The following TMPRSS11D variants were observed in gnomAD, a reference collection of about 807,000 sequenced individuals.
The protein encoded by TMPRSS11D is transmembrane protease serine 11D.
TMPRSS11D carries 32 observed loss-of-function variants against 44.4 expected under a neutral mutation model. That is an observed-to-expected ratio of 0.72 (90% confidence interval 0.54 to 0.97). The LOEUF (loss-of-function observed/expected upper bound fraction) is 0.97. Among genes scored for constraint, TMPRSS11D ranks in the 50% least tolerant of loss-of-function variants. The pLI is 0.00. For missense variants in TMPRSS11D, 446 were observed against 502.6 expected (o/e 0.89, Z 1.08); for synonymous variants, 179 against 177.9 (o/e 1.01, Z -0.05).
At chr4:67,878,477 G>C (rs760890581) in intron 1 of TMPRSS11D, among the ~76,000 whole-genome samples, 1 of 152,140 alleles carries the variant, frequency 6.6e-6, no homozygotes, top group Non-Finnish European at 1.5e-5. Context: ...TAATTAGATA[G>C]GTATTTGTCT....
intron 5 of TMPRSS11D, among the ~76,000 whole-genome samples, chr4:67,836,320 C>T (rs1560539104): frequency 6.6e-6 from 1 of 152,116 alleles, no homozygotes; most frequent in Non-Finnish European, 1.5e-5. Context: ...GTTATGTTAG[C>T]TCATATCCTT....
chr4:67,829,968 G>C (rs1560537230), intron 7 of TMPRSS11D, among the ~76,000 whole-genome samples: 1 of 152,110 alleles, frequency 6.6e-6, no homozygotes, highest in East Asian at 1.9e-4. Flanking sequence ...GTGTGCTTCT[G>C]AAATTCCTGA....
intron 7 of TMPRSS11D, among the ~76,000 whole-genome samples, chr4:67,829,849 C>G (rs1270073610): frequency 6.6e-6 from 1 of 151,886 alleles, no homozygotes; most frequent in African/African-American, 2.4e-5. Flanking sequence ...AAAACTTAAA[C>G]AAAAGAATAA....
At chr4:67,876,660 C>T (rs1719197741) in intron 1 of TMPRSS11D, among the ~76,000 whole-genome samples, 1 of 152,164 alleles carries the variant, frequency 6.6e-6, no homozygotes, top group African/African-American at 2.4e-5. Flanking sequence ...GAGGGGCCAG[C>T]ATTTAGACCT....
rs1717671886 is a variant in TMPRSS11D, at chr4:67,822,495, C to T, written c.1099G>A (p.Asp367Asn). ...TCTTGTACTAGTGGGCCACCAGAGT[C>T]ACCCTGTAAAAAAACAGAATGACTG... ...PQGGVDACQG[D>N]SGGPLVQEDS... Residue 367 changes from aspartate (D) to asparagine (N), a missense_variant, in exon 10 of 10, where the codon GAC (aspartate) becomes AAC (asparagine). Coordinates refer to ENST00000283916, the MANE Select transcript of TMPRSS11D (RefSeq NM_004262.3). The T allele has an allele frequency of 6.2e-7, 1 of 1,613,660 alleles. No individual in the cohort carries two copies. The highest frequency in any genetic ancestry group is 2.2e-5 in the East Asian group (1 of 44,880).
intron 2 of TMPRSS11D, 82 bp from the exon 3 acceptor site, chr4:67,854,268 A>G (rs1718581046): frequency 1.5e-6 from 1 of 683,126 alleles, no homozygotes. Flanking sequence ...ATGGGAGGTT[A>G]TATTATAGAA....
intron 3 of TMPRSS11D, among the ~76,000 whole-genome samples, chr4:67,844,932 T>G (rs996269547): frequency 6.6e-6 from 1 of 152,196 alleles, no homozygotes; most frequent in African/African-American, 2.4e-5. Context: ...AAAGGAGATA[T>G]TTTAATAAAA....
intron 3 of TMPRSS11D, among the ~76,000 whole-genome samples, chr4:67,850,751 G>A (rs1718485875): frequency 6.6e-6 from 1 of 152,208 alleles, no homozygotes; most frequent in South Asian, 2.1e-4. Flanking sequence ...ACTTGCGTGT[G>A]TGCCTTCATT....
chr4:67,824,576 C>T (rs1341968080), intron 9 of TMPRSS11D, among the ~76,000 whole-genome samples: 2 of 152,012 alleles, frequency 1.3e-5, no homozygotes, highest in Non-Finnish European at 2.9e-5. Flanking sequence ...TTAACAGTAT[C>T]TTGACAATTG....
At position 67,822,288 on chromosome 4, in the gene TMPRSS11D, G is replaced by T; in HGVS notation, c.*49C>A. The T allele has an allele frequency of 6.4e-7, 1 of 1,570,826 alleles. No homozygotes were observed. ...TGAAATGTAAAGCTTTGGAATTTAAGACAGGCACACCTGCATACAGACTTT... is the reference window on the plus strand; with the variant it reads ...TGAAATGTAAAGCTTTGGAATTTAATACAGGCACACCTGCATACAGACTTT... On this transcript the variant is annotated 3_prime_UTR_variant, in exon 10 of 10. Coordinates refer to ENST00000283916, the MANE Select transcript of TMPRSS11D (RefSeq NM_004262.3).
At chr4:67,836,932 C>G (rs1381353580) in intron 5 of TMPRSS11D, among the ~76,000 whole-genome samples, 5 of 152,112 alleles carry the variant, frequency 3.3e-5, no homozygotes, top group African/African-American at 1.2e-4. Context: ...ATTTCAAAGT[C>G]AAAGTCCATT....
In TMPRSS11D at chr4:67,857,302, TATATATATATATATATATATACACACAC is replaced by T. The variant is rs1392218879; in HGVS notation, c.130+2227_130+2254del. 2.9e-3 allele frequency among the ~76,000 whole-genome samples: 107 copies of T among 36,682 alleles called. 4 individuals carry two copies. Among genetic ancestry groups the T allele is most frequent in the East Asian group, 8.4e-3 (21 of 2,506 alleles). The allele number at this position is 36,682 out of a possible 152,430, so 24.1% of individuals were successfully genotyped here. On this transcript the variant is annotated intron_variant, in intron 2 of 9. Coordinates refer to ENST00000283916, the MANE Select transcript of TMPRSS11D (RefSeq NM_004262.3). ...ATATATATATATATATATATATATA[TATATATATATATATATATATACACACAC>T]ACACACACACACACACATACACAAT...
intron 6 of TMPRSS11D, among the ~76,000 whole-genome samples, chr4:67,834,386 C>CAAT (rs1477709271): frequency 2.0e-5 from 3 of 152,134 alleles, no homozygotes; most frequent in Admixed American, 6.6e-5. Context: ...GTTTCATTAA[C>CAAT]AATAAGCATG....
intron 1 of TMPRSS11D, among the ~76,000 whole-genome samples, chr4:67,860,616 T>G (rs773918035): frequency 2.0e-5 from 3 of 152,148 alleles, no homozygotes; most frequent in Non-Finnish European, 4.4e-5. Flanking sequence ...GTTTAACACT[T>G]TGCAGAATGC....
intron 1 of TMPRSS11D, among the ~76,000 whole-genome samples, chr4:67,873,608 T>C (rs578019521): frequency 1.3e-5 from 2 of 152,152 alleles, no homozygotes; most frequent in African/African-American, 4.8e-5. Context: ...ATAAGTTGTT[T>C]AGTCCAGCAC....
chr4:67,863,553 TTTAA>T (rs773261240), intron 1 of TMPRSS11D, among the ~76,000 whole-genome samples: 13 of 152,080 alleles, frequency 8.5e-5, no homozygotes, highest in Non-Finnish European at 1.5e-4. Context: ...GAAAGATTTC[TTTAA>T]TTGATTTTAA....
chr4:67,842,679 T>A, intron 3 of TMPRSS11D, 54 bp from the exon 4 acceptor site: 1 of 1,498,008 alleles, frequency 6.7e-7, no homozygotes, highest in South Asian at 1.2e-5. Context: ...CTTCTTCTCC[T>A]TCCTCTCAAC....
intron 3 of TMPRSS11D, among the ~76,000 whole-genome samples, chr4:67,850,984 G>A (rs1429400125): frequency 2.0e-5 from 3 of 152,114 alleles, no homozygotes; most frequent in Non-Finnish European, 4.4e-5. Context: ...GTGAGCCTTC[G>A]AGTGACTTGC....
rs564346616 is a variant in TMPRSS11D, at chr4:67,882,967, G to T, written c.8+959C>A. On this transcript the variant is annotated intron_variant, in intron 1 of 9. Coordinates refer to ENST00000283916, the MANE Select transcript of TMPRSS11D (RefSeq NM_004262.3). The stretch of plus-strand genomic sequence containing the variant: ...TGTATCTATTACATGAATATGAAAT[G>T]ATTTTATTTCTTCTATCATTGGAAG... Among the ~76,000 whole-genome samples, 6 of 151,846 alleles carry T rather than the reference G, an allele frequency of 4.0e-5. No homozygotes were observed. The South Asian group carries it at 1.2e-3, about 32-fold the overall frequency.
Sources: gnomAD v4.1 joint callset for allele counts (sites outside exome capture counted in the v4.1 genomes callset) on GRCh38, gnomAD v4.1.1 for gene constraint, MANE v1.5 for transcripts, NCBI Gene and HGNC (gene_info 2026-07-23, HGNC 2026-07-21) for gene names.